Variants in CRPPA observed in about 807,000 individuals in gnomAD.
CRPPA encodes D-ribitol-5-phosphate cytidylyltransferase.
A neutral mutation model predicts 52.0 loss-of-function variants in CRPPA; 43 were observed. The observed-to-expected ratio is 0.83, with a 90% CI of 0.65 to 1.07. The LOEUF (loss-of-function observed/expected upper bound fraction) is 1.07. Ranked by LOEUF, CRPPA falls within the 50% of genes least tolerant of loss-of-function variation. CRPPA has a pLI of 0.00. For missense variants in CRPPA, 629 were observed against 551.7 expected, an observed-to-expected ratio of 1.14 and a Z score of -1.40; for synonymous variants, 250 against 203.5, an observed-to-expected ratio of 1.23 and a Z score of -1.94.
chr7:16,361,280 G>C (rs907137941), intron 3 of CRPPA, among the ~76,000 whole-genome samples: 5 of 152,132 alleles, frequency 3.3e-5, no homozygotes, highest in Non-Finnish European at 7.4e-5. Context: ...AAATGGTACA[G>C]CCACTATGGA....
At chr7:16,400,625 G>A (rs1474678617) in intron 2 of CRPPA, among the ~76,000 whole-genome samples, 2 of 152,184 alleles carry the variant, frequency 1.3e-5, no homozygotes, top group East Asian at 1.9e-4. Flanking sequence ...CCGACATGAT[G>A]TGATCGAGTC....
intron 9 of CRPPA, among the ~76,000 whole-genome samples, chr7:16,206,487 T>C (rs964206053): frequency 6.6e-6 from 1 of 152,106 alleles, no homozygotes; most frequent in Non-Finnish European, 1.5e-5. Flanking sequence ...TTTGAAAGAT[T>C]TGTCTGTACA....
chr7:16,227,048 C>A (rs899891834), intron 8 of CRPPA, among the ~76,000 whole-genome samples: 1 of 151,954 alleles, frequency 6.6e-6, no homozygotes, highest in African/African-American at 2.4e-5. Flanking sequence ...CCAGATTCAG[C>A]CACGTTGTTG....
intron 5 of CRPPA, among the ~76,000 whole-genome samples, chr7:16,286,063 ATATAT>A (rs1784432788): frequency 7.8e-5 from 3 of 38,426 alleles, no homozygotes; most frequent in African/African-American, 4.7e-4. Context: ...ATATATATAT[ATATAT>A]ATATATATAT....
At chr7:16,272,025 T>G (rs539172655) in intron 6 of CRPPA, among the ~76,000 whole-genome samples, 1 of 152,198 alleles carries the variant, frequency 6.6e-6, no homozygotes, top group Non-Finnish European at 1.5e-5. Flanking sequence ...TTTTTGGATA[T>G]TTACTGAAAA....
chr7:16,325,366 A>C (rs1785359198), intron 3 of CRPPA, among the ~76,000 whole-genome samples: 1 of 152,206 alleles, frequency 6.6e-6, no homozygotes, highest in South Asian at 2.1e-4. Flanking sequence ...GGAAGGAAAA[A>C]GCCTAGAAAT....
At chr7:16,412,168 TG>T (rs1788089817) in intron 1 of CRPPA, among the ~76,000 whole-genome samples, 1 of 152,188 alleles carries the variant, frequency 6.6e-6, no homozygotes, top group Non-Finnish European at 1.5e-5. Flanking sequence ...TTCAAACAAT[TG>T]TATGAGACTC....
At chr7:16,341,288 A>T (rs954101016) in intron 3 of CRPPA, among the ~76,000 whole-genome samples, 3 of 148,162 alleles carry the variant, frequency 2.0e-5, no homozygotes, top group African/African-American at 7.4e-5. Context: ...TCAATGGTTT[A>T]AAAAAAAAAC....
chr7:16,285,521 A>T (rs1784405804), intron 5 of CRPPA, among the ~76,000 whole-genome samples: 1 of 152,176 alleles, frequency 6.6e-6, no homozygotes, highest in East Asian at 1.9e-4. Context: ...ATTTATAATG[A>T]ATAACTCTTT....
intron 9 of CRPPA, among the ~76,000 whole-genome samples, chr7:16,205,427 G>C (rs1038523170): frequency 6.6e-6 from 1 of 152,088 alleles, no homozygotes; most frequent in Non-Finnish European, 1.5e-5. Flanking sequence ...TATTGGCCAG[G>C]TCACTTGTTA....
intron 3 of CRPPA, among the ~76,000 whole-genome samples, chr7:16,373,734 G>C (rs1260760985): frequency 1.3e-5 from 2 of 152,186 alleles, no homozygotes; most frequent in Non-Finnish European, 2.9e-5. Context: ...TGGGAATCTT[G>C]TATTTGAAGA....
At chr7:16,232,892 A>T (rs189888335) in intron 8 of CRPPA, among the ~76,000 whole-genome samples, 49 of 152,244 alleles carry the variant, frequency 3.2e-4, no homozygotes, top group African/African-American at 1.2e-3. Flanking sequence ...AAACCAACCC[A>T]ACTGACACCA....
At chr7:16,349,906 C>T (rs1429945359) in intron 3 of CRPPA, among the ~76,000 whole-genome samples, 2 of 151,736 alleles carry the variant, frequency 1.3e-5, no homozygotes, top group Non-Finnish European at 2.9e-5. Flanking sequence ...CTAGGAAATC[C>T]AAGAGACACT....
At chr7:16,224,098 T>A (rs1314177242) in intron 8 of CRPPA, among the ~76,000 whole-genome samples, 2 of 152,096 alleles carry the variant, frequency 1.3e-5, no homozygotes, top group Non-Finnish European at 2.9e-5. Flanking sequence ...CTTAAACATT[T>A]AACATGTGGT....
At chr7:16,389,928 A>AAAAAAATATATATATATAT in intron 2 of CRPPA, among the ~76,000 whole-genome samples, 2 of 29,760 alleles carry the variant, frequency 6.7e-5, no homozygotes, top group African/African-American at 3.5e-4. Context: ...AAAAAAAAAA[A>AAAAAAATATATATATATAT]ATATATATAT....
intron 9 of CRPPA, among the ~76,000 whole-genome samples, chr7:16,115,483 T>G (rs1276341670): frequency 6.6e-6 from 1 of 152,152 alleles, no homozygotes; most frequent in Non-Finnish European, 1.5e-5. Flanking sequence ...AGAAGAGTGT[T>G]TCTGTGTCTA....
At position 16,351,480 on chromosome 7, in the gene CRPPA, A is replaced by G. The variant is rs143117156; in HGVS notation, c.684+24612T>C. 5.1e-3 allele frequency among the ~76,000 whole-genome samples: 779 copies of G among 152,326 alleles called. 6 individuals carry two copies. The highest frequency in any genetic ancestry group is 0.017 in the African/African-American group (713 of 41,574). ...TCATCAGAGTGAACAGGCAACCTACAGAATGGGAGAACATATTTACAATCT... is the reference window on the plus strand; with the variant it reads ...TCATCAGAGTGAACAGGCAACCTACGGAATGGGAGAACATATTTACAATCT... On this transcript the variant is annotated intron_variant, in intron 3 of 9. Transcript: ENST00000407010.
intron 9 of CRPPA, among the ~76,000 whole-genome samples, chr7:16,202,251 G>T (rs1405592): frequency 1 from 151,628 of 152,304 alleles, 75,479 homozygotes; most frequent in East Asian, 1. Context: ...AACTTTTACC[G>T]CTATAACTTG....
chr7:16,329,490 A>T (rs17169428), intron 3 of CRPPA, among the ~76,000 whole-genome samples: 28,089 of 152,124 alleles, frequency 0.18, 2,734 homozygotes, highest in East Asian at 0.28. Context: ...TCAGAATACA[A>T]TCAGGCCTTT....
Sources: allele counts gnomAD v4.1 joint callset (sites outside exome capture counted in the v4.1 genomes callset), GRCh38; gene constraint gnomAD v4.1.1; transcripts MANE v1.5; gene names NCBI Gene and HGNC (gene_info 2026-07-23, HGNC 2026-07-21).